Variants in ZNF441 observed in about 807,000 individuals in gnomAD.
ZNF441 encodes zinc finger protein 441.
Under a neutral mutation model 64.5 loss-of-function variants are expected in ZNF441, and 25 were observed. That is an observed-to-expected ratio of 0.39 (90% confidence interval 0.28 to 0.54). The LOEUF (loss-of-function observed/expected upper bound fraction) is 0.54. Ranked by LOEUF, ZNF441 falls within the 20% of genes least tolerant of loss-of-function variation. The probability of loss-of-function intolerance (pLI) is 0.70; values close to 1 mark genes in which losing one functional copy is unlikely to be tolerated. For missense variants in ZNF441, 715 were observed against 843.3 expected, an observed-to-expected ratio of 0.85 and a Z score of 1.88; for synonymous variants, 262 against 268.0, an observed-to-expected ratio of 0.98 and a Z score of 0.22.
In ZNF441 at chr19:11,770,797, G is replaced by A. The variant is rs10419444; in HGVS notation, c.3+3601G>A. On this transcript the variant is annotated intron_variant, in intron 1 of 3. Transcript: ENST00000357901. ...AGAGATGGGGTTTCACCATGTTGCCGAGGCTGGTCTTGAACTCCTGGGCTC... is the reference window on the plus strand; with the variant it reads ...AGAGATGGGGTTTCACCATGTTGCCAAGGCTGGTCTTGAACTCCTGGGCTC... 9.2e-4 allele frequency among the ~76,000 whole-genome samples: 140 copies of A among 151,800 alleles called. 1 individual carries two copies. The highest frequency in any genetic ancestry group is 3.4e-3 in the Middle Eastern group (1 of 294).
At position 11,777,666 on chromosome 19, in the gene ZNF441, T is replaced by C; in HGVS notation, c.59T>C (p.Leu20Ser). The change falls in exon 2 of 4, where the codon TTG becomes TCG. Residue 20 changes from leucine (L) to serine (S), a missense_variant. By Grantham distance (145) the Leu-to-Ser change is moderately radical (BLOSUM62 -2). Coordinates refer to ENST00000357901, the MANE Select transcript of ZNF441 (RefSeq NM_152355.3). The part of the protein sequence containing the change: ...AINFTCEEWA[L>S]LGPSQKSLYR... Reference sequence around the variant, plus strand: ...AACTTCACCTGTGAGGAGTGGGCTTTGCTGGGTCCATCACAGAAGAGTCTC... The same window carrying C: ...AACTTCACCTGTGAGGAGTGGGCTTCGCTGGGTCCATCACAGAAGAGTCTC... 6.2e-7 allele frequency: 1 copy of C among 1,613,868 alleles called. No homozygotes were observed. Among genetic ancestry groups the C allele is most frequent in the Non-Finnish European group, 8.5e-7 (1 of 1,179,838 alleles).
Position 11,780,219 on chromosome 19 carries a change from A to C in ZNF441, c.395A>C (p.Glu132Ala). Residue 132 changes from glutamate to alanine, a missense_variant, in exon 4 of 4, where the codon GAG becomes GCG. Transcript: ENST00000357901. Reference sequence around the variant, plus strand: ...GTTGACAGTGAACACAAACCATGTGAGTATCAAGAATATGGAGAGAAGCCA... The same window carrying C: ...GTTGACAGTGAACACAAACCATGTGCGTATCAAGAATATGGAGAGAAGCCA... ...VRVDSEHKPC[E>A]YQEYGEKPYT... The C allele has an allele frequency of 1.2e-6, 2 of 1,614,230 alleles. No homozygotes were observed. The highest frequency in any genetic ancestry group is 8.5e-7 in the Non-Finnish European group (1 of 1,180,038).
At chr19:11,777,016 G>A (rs1031824587) in intron 1 of ZNF441, among the ~76,000 whole-genome samples, 2 of 152,010 alleles carry the variant, frequency 1.3e-5, no homozygotes, top group East Asian at 3.9e-4. Context: ...CTCCCTGTTG[G>A]TCAGGCTGGT....
intron 3 of ZNF441, among the ~76,000 whole-genome samples, chr19:11,779,050 A>T (rs1200058793): frequency 6.6e-6 from 1 of 152,158 alleles, no homozygotes; most frequent in Non-Finnish European, 1.5e-5. Flanking sequence ...GCCAGGTGCG[A>T]TAGCTCACAC....
rs1975281144 is a variant in ZNF441 at position 11,767,619 on chromosome 19, G to T, written c.3+423G>T. 6.6e-6 allele frequency among the ~76,000 whole-genome samples: 1 copy of T among 152,198 alleles called. No individual in the cohort carries two copies. Among genetic ancestry groups the T allele is most frequent in the African/African-American group, 2.4e-5 (1 of 41,442 alleles). The stretch of plus-strand genomic sequence containing the variant: ...GGTGTTTAGGGGTGTGGACAGGGGC[G>T]GCTGGGGCGTGGGGTCGCTGGATGG... On this transcript the variant is annotated intron_variant, in intron 1 of 3. Coordinates refer to ENST00000357901, the MANE Select transcript of ZNF441 (RefSeq NM_152355.3). This position sits in a 1 kb window ranked among gnomAD's most constrained non-coding sequence, Gnocchi z 5.1.
intron 1 of ZNF441, among the ~76,000 whole-genome samples, chr19:11,770,908 G>A (rs1042935531): frequency 6.7e-6 from 1 of 149,792 alleles, no homozygotes; most frequent in African/African-American, 2.5e-5. Flanking sequence ...ACTATAGCCT[G>A]GGTGACAGAA....
In ZNF441 at chr19:11,767,314, C is replaced by T; in HGVS notation, c.3+118C>T. 1.5e-5 allele frequency: 22 copies of T among 1,456,990 alleles called. No homozygotes were observed. Among genetic ancestry groups the T allele is most frequent in the Admixed American group, 2.0e-5 (1 of 49,060 alleles). The allele number at this position is 1,456,990 out of a possible 1,614,324, so 90.3% of individuals were successfully genotyped here. A position where few individuals can be genotyped will look rare whatever the true frequency, so the allele number is the denominator to read the frequency against. On this transcript the variant is annotated intron_variant, in intron 1 of 3. Transcript: ENST00000357901. This position sits in a 1 kb window ranked among gnomAD's most constrained non-coding sequence, Gnocchi z 5.1. ...CCGGCGACACCCTGGCGCAGCTCGG[C>T]CCTCGGTTCCCTCGGCCGCACGATG...
At chr19:11,771,816 C>G (rs560211451) in intron 1 of ZNF441, among the ~76,000 whole-genome samples, 1 of 152,208 alleles carries the variant, frequency 6.6e-6, no homozygotes, top group African/African-American at 2.4e-5. Flanking sequence ...CTTAGCAGAC[C>G]GGGAAAGGGA....
In ZNF441 at chr19:11,780,395, C is replaced by T; in HGVS notation, c.571C>T (p.His191Tyr). The T allele has an allele frequency of 6.2e-7, 1 of 1,614,156 alleles. No homozygotes were observed. The highest frequency in any genetic ancestry group is 8.5e-7 in the Non-Finnish European group (1 of 1,180,028). Residue 191 changes from histidine to tyrosine, a missense_variant, in exon 4 of 4, where the codon CAT (histidine) becomes TAT (tyrosine). Around this residue, in one of 2 missense-constraint regions of ZNF441, gnomAD observed 399 missense variants for 413.9 expected, o/e 0.96. Coordinates refer to ENST00000357901, the MANE Select transcript of ZNF441 (RefSeq NM_152355.3). ...CCTTCAAAGACACATGGCAGCACAC[C>T]ATGGAGATGGACCTCGTATATGTAA... The part of the protein sequence containing the change: ...ENLQRHMAAH[H>Y]GDGPRICKLC...
chr19:11,777,872 T>C, intron 2 of ZNF441, 135 bp downstream of exon 2: 1 of 959,054 alleles, frequency 1.0e-6, no homozygotes, highest in African/African-American at 1.7e-5. Context: ...GTCATACATC[T>C]TCTCCCGCAC....
In ZNF441 at chr19:11,781,522, A is replaced by G. The variant is rs1205844100; in HGVS notation, c.1698A>G (p.Lys566=). 4 of 1,614,042 alleles carry G rather than the reference A, an allele frequency of 2.5e-6. No homozygotes were observed. Among genetic ancestry groups the G allele is most frequent in the Admixed American group, 1.7e-5 (1 of 60,000 alleles). The part of the protein sequence containing the change: ...EKPYGCQQCG[K]ALSDLSSFRR... Reference sequence around the variant, plus strand: ...CCTATGGTTGTCAGCAATGTGGGAAAGCATTATCTGATCTCTCAAGCTTTC... The same window carrying G: ...CCTATGGTTGTCAGCAATGTGGGAAGGCATTATCTGATCTCTCAAGCTTTC... The change falls in exon 4 of 4, where the codon AAA becomes AAG. Residue 566 remains lysine (K), a synonymous_variant. Transcript: ENST00000357901.
intron 3 of ZNF441, 43 bp from the exon 4 acceptor site, chr19:11,779,976 T>C (rs1198553975): frequency 1.4e-6 from 2 of 1,445,650 alleles, no homozygotes; most frequent in East Asian, 2.3e-5. Flanking sequence ...TACAAAATCA[T>C]TTATAAACAA....
rs1401970488 is a variant in ZNF441, at chr19:11,781,515, G to A, written c.1691G>A (p.Cys564Tyr). 1 of 1,614,002 alleles carries A rather than the reference G, an allele frequency of 6.2e-7. No individual in the cohort carries two copies. The highest frequency in any genetic ancestry group is 8.5e-7 in the Non-Finnish European group (1 of 1,180,018). Residue 564 changes from cysteine to tyrosine, a missense_variant, in exon 4 of 4, where the codon TGT becomes TAT. This residue lies in a region of ZNF441 where 316 missense variants were observed against 429.3 expected (regional missense o/e 0.74). Coordinates refer to ENST00000357901, the MANE Select transcript of ZNF441 (RefSeq NM_152355.3). ...GAGAAACCCTATGGTTGTCAGCAATGTGGGAAAGCATTATCTGATCTCTCA... is the reference window on the plus strand; with the variant it reads ...GAGAAACCCTATGGTTGTCAGCAATATGGGAAAGCATTATCTGATCTCTCA... ...TGEKPYGCQQ[C>Y]GKALSDLSSF...
At chr19:11,774,364 A>G (rs894681057) in intron 1 of ZNF441, among the ~76,000 whole-genome samples, 1 of 152,154 alleles carries the variant, frequency 6.6e-6, no homozygotes, top group Non-Finnish European at 1.5e-5. Context: ...TGTGATCCAA[A>G]TTTCTAATCT....
In ZNF441 at chr19:11,781,129, A is replaced by G. The variant is rs769785674; in HGVS notation, c.1305A>G (p.Gln435=). 2 of 1,613,960 alleles carry G rather than the reference A, an allele frequency of 1.2e-6. No individual in the cohort carries two copies. Among genetic ancestry groups the G allele is most frequent in the Non-Finnish European group, 1.7e-6 (2 of 1,180,034 alleles). The change falls in exon 4 of 4, where the codon CAA becomes CAG. Residue 435 remains glutamine (Q), a synonymous_variant. Coordinates refer to ENST00000357901, the MANE Select transcript of ZNF441 (RefSeq NM_152355.3). ...GKAFICCTYL[Q]IHERIHTGER... ...CCTTCATTTGTTGCACTTACCTTCA[A>G]ATACATGAAAGAATTCACACTGGGG...
In ZNF441 at chr19:11,780,303, A is replaced by G; in HGVS notation, c.479A>G (p.Glu160Gly). Residue 160 changes from glutamate (E) to glycine (G), a missense_variant, in exon 4 of 4, where the codon GAA (glutamate) becomes GGA (glycine). Physicochemically the swap from Glu to Gly is moderately conservative, Grantham distance 98 (BLOSUM62 -2). This residue lies in a region of ZNF441 where 399 missense variants were observed against 413.9 expected (regional missense o/e 0.96). Transcript: ENST00000357901. ...FSYQPCFQIH[E>G]RPQHGKKLYD... Reference sequence around the variant, plus strand: ...TATCAGCCCTGCTTTCAAATACATGAAAGACCTCAGCATGGAAAGAAACTC... The same window carrying G: ...TATCAGCCCTGCTTTCAAATACATGGAAGACCTCAGCATGGAAAGAAACTC... The G allele has an allele frequency of 6.2e-7, 1 of 1,614,224 alleles. No homozygotes were observed. Among genetic ancestry groups the G allele is most frequent in the Non-Finnish European group, 8.5e-7 (1 of 1,180,050 alleles).
chr19:11,780,191 A>G lies in ZNF441; in HGVS notation c.367A>G (p.Arg123Gly). 1 of 1,614,202 alleles carries G rather than the reference A, an allele frequency of 6.2e-7. No homozygotes were observed. The highest frequency in any genetic ancestry group is 8.5e-7 in the Non-Finnish European group (1 of 1,180,032). Residue 123 changes from arginine (R) to glycine (G), a missense_variant, in exon 4 of 4, where the codon AGA becomes GGA. Physicochemically the swap from Arg to Gly is moderately radical, Grantham distance 125. Transcript: ENST00000357901. ...MGRSSLNCYV[R>G]VDSEHKPCEY... Reference sequence around the variant, plus strand: ...TCGTTCATCTCTTAATTGCTACGTTAGAGTTGACAGTGAACACAAACCATG... The same window carrying G: ...TCGTTCATCTCTTAATTGCTACGTTGGAGTTGACAGTGAACACAAACCATG...
chr19:11,781,915 C>A lies in ZNF441; in HGVS notation c.*9C>A. 1 of 1,563,968 alleles carries A rather than the reference C, an allele frequency of 6.4e-7. No homozygotes were observed. Among genetic ancestry groups the A allele is most frequent in the South Asian group, 1.2e-5 (1 of 84,722 alleles). On this transcript the variant is annotated 3_prime_UTR_variant, in exon 4 of 4. Coordinates refer to ENST00000357901, the MANE Select transcript of ZNF441 (RefSeq NM_152355.3). ...ATGAAATGACTCACTAGAGAAAACC[C>A]CTATGAGTGTTGAACATGTGAGAAA...
chr19:11,782,058 C>T lies in ZNF441; in HGVS notation c.*152C>T, dbSNP rs1975409397. The T allele has an allele frequency of 3.7e-6, 2 of 546,732 alleles. No homozygotes were observed. Among genetic ancestry groups the T allele is most frequent in the Non-Finnish European group, 6.0e-6 (2 of 331,204 alleles). 33.9% of individuals were successfully genotyped at this position (546,732 alleles called of 1,614,324 possible). Reference sequence around the variant, plus strand: ...TTTTCAGTACCTTTTGAAAACATGACCAAACTCATACTTCAAAAATATATA... The same window carrying T: ...TTTTCAGTACCTTTTGAAAACATGATCAAACTCATACTTCAAAAATATATA... On this transcript the variant is annotated 3_prime_UTR_variant, in exon 4 of 4. Transcript: ENST00000357901.
Sources: allele counts gnomAD v4.1 joint callset (sites outside exome capture counted in the v4.1 genomes callset), GRCh38; gene constraint gnomAD v4.1.1; regional missense constraint gnomAD v4.1.1; non-coding constraint Gnocchi (gnomAD v3.1); transcripts MANE v1.5; gene names NCBI Gene and HGNC (gene_info 2026-07-23, HGNC 2026-07-21).